Variants in LNX2 observed in about 807,000 individuals in gnomAD.
LNX2 encodes ligand of Numb protein X 2.
A neutral mutation model predicts 66.2 loss-of-function variants in LNX2; 35 were observed. The ratio of observed to expected loss-of-function variants is 0.53; its 90% CI spans 0.40 to 0.70. The LOEUF (loss-of-function observed/expected upper bound fraction) is 0.70. Among genes scored for constraint, LNX2 ranks in the 30% least tolerant of loss-of-function variants. LNX2 has a pLI of 0.00. For missense variants in LNX2, 791 were observed against 850.8 expected, an observed-to-expected ratio of 0.93 and a Z score of 0.87; for synonymous variants, 337 against 315.6, an observed-to-expected ratio of 1.07 and a Z score of -0.72.
chr13:27,606,204 T>C (rs1344623595), intron 1 of LNX2, among the ~76,000 whole-genome samples: 1 of 152,218 alleles, frequency 6.6e-6, no homozygotes, highest in Non-Finnish European at 1.5e-5. Flanking sequence ...TCAAGCTTTT[T>C]AGCAGAATTA....
At chr13:27,551,064 T>A (rs1447564031) in intron 8 of LNX2, among the ~76,000 whole-genome samples, 1 of 152,198 alleles carries the variant, frequency 6.6e-6, no homozygotes, top group Non-Finnish European at 1.5e-5. Flanking sequence ...TAAGGGAGAC[T>A]CTAATTGCCA....
chr13:27,605,281 G>A (rs545750510), intron 1 of LNX2, among the ~76,000 whole-genome samples: 148 of 152,300 alleles, frequency 9.7e-4, no homozygotes, highest in African/African-American at 3.5e-3. Context: ...GATAGATAAT[G>A]CAAGCAACAG....
chr13:27,568,830 T>A (rs1955238669), intron 3 of LNX2, among the ~76,000 whole-genome samples, 199 bp downstream of exon 3: 2 of 152,236 alleles, frequency 1.3e-5, no homozygotes, highest in Admixed American at 1.3e-4. Context: ...GTGATTTGTT[T>A]CTAAAATGCA....
At position 27,586,533 on chromosome 13, in the gene LNX2, G is replaced by C. The variant is rs1418776931; in HGVS notation, c.-100-4730C>G. ...AGCTCTAAGAGTGAGCCTCCCACAG[G>C]GGAGGAGCTCAATAAATGTTGAATG... On this transcript the variant is annotated intron_variant, in intron 1 of 9. Coordinates refer to ENST00000316334, the MANE Select transcript of LNX2 (RefSeq NM_153371.4). Among the ~76,000 whole-genome samples, 3 of 152,132 alleles carry C rather than the reference G, an allele frequency of 2.0e-5. 1 individual carries two copies. The highest frequency in any genetic ancestry group is 4.1e-4 in the South Asian group (2 of 4,822).
chr13:27,561,385 C>A (rs955151429), intron 5 of LNX2, among the ~76,000 whole-genome samples: 3 of 152,102 alleles, frequency 2.0e-5, no homozygotes, highest in Non-Finnish European at 2.9e-5. Context: ...TTCTCCCCTC[C>A]CTCCCACTAA....
intron 8 of LNX2, 146 bp downstream of exon 8, chr13:27,553,057 CCTTTT>C (rs1955022981): frequency 6.1e-6 from 4 of 651,356 alleles, no homozygotes; most frequent in Non-Finnish European, 7.9e-6. Context: ...GAAAAATTAT[CCTTTT>C]CTTTTGTAAT....
In LNX2 at chr13:27,583,216, G is replaced by A. The variant is rs1191001726; in HGVS notation, c.-100-1413C>T. 1.1e-4 allele frequency among the ~76,000 whole-genome samples: 2 copies of A among 17,732 alleles called. 1 individual carries two copies. Among genetic ancestry groups the A allele is most frequent in the Non-Finnish European group, 1.9e-4 (2 of 10,706 alleles). The allele number at this position is 17,732 out of a possible 152,430, so 11.6% of individuals were successfully genotyped here. A position where few individuals can be genotyped will look rare whatever the true frequency, so the allele number is the denominator to read the frequency against. ...TGTGTGTGTGTGTGTGTGTGTGTGT[G>A]TGTGTGTGTGTGTGTGTGTGTGTGT... is the stretch of plus-strand genomic sequence containing the variant. On this transcript the variant is annotated intron_variant, in intron 1 of 9. Coordinates refer to ENST00000316334, the MANE Select transcript of LNX2 (RefSeq NM_153371.4).
chr13:27,616,583 C>T (rs1185072900), intron 1 of LNX2, among the ~76,000 whole-genome samples: 1 of 152,132 alleles, frequency 6.6e-6, no homozygotes, highest in African/African-American at 2.4e-5. Context: ...GTTTACAATA[C>T]ATTAATATTT....
chr13:27,584,359 TG>T (rs1471745694), intron 1 of LNX2, among the ~76,000 whole-genome samples: 2 of 145,480 alleles, frequency 1.4e-5, no homozygotes, highest in African/African-American at 2.6e-5. Context: ...GAGACTAGCC[TG>T]GGCAATATGG....
rs118049806 is a variant in LNX2 at position 27,594,370 on chromosome 13, C to T, written c.-100-12567G>A. Among the ~76,000 whole-genome samples the T allele has an allele frequency of 9.2e-3, 1,397 of 152,142 alleles. 10 individuals are homozygous for T. Among genetic ancestry groups the T allele is most frequent in the East Asian group, 0.039 (201 of 5,172 alleles). On this transcript the variant is annotated intron_variant, in intron 1 of 9. Coordinates refer to ENST00000316334, the MANE Select transcript of LNX2 (RefSeq NM_153371.4). ...CCCTTTATCACATTATTATAATCAC[C>T]TCTCCCAAGCCTCCTGTTTGCCTTT...
In LNX2 at chr13:27,548,015, AC is replaced by A. The variant is rs1240413444; in HGVS notation, c.*319del. 1.1e-5 allele frequency: 3 copies of A among 284,712 alleles called. No homozygotes were observed. The South Asian group carries it at 1.7e-4, about 16-fold the overall frequency. 17.6% of individuals were successfully genotyped at this position (284,712 alleles called of 1,614,324 possible). On this transcript the variant is annotated 3_prime_UTR_variant, in exon 10 of 10. Coordinates refer to ENST00000316334, the MANE Select transcript of LNX2 (RefSeq NM_153371.4). ...ATTCAGTTACTGAAAACAAAGACCC[AC>A]CAGAAGGTCTTTACTCCATCTGGGG...
At chr13:27,563,902 T>C (rs1441522913) in intron 4 of LNX2, among the ~76,000 whole-genome samples, 3 of 152,204 alleles carry the variant, frequency 2.0e-5, no homozygotes, top group Non-Finnish European at 4.4e-5. Flanking sequence ...CTCCCAAGTC[T>C]GCAACATCTA....
intron 2 of LNX2, 47 bp downstream of exon 2, chr13:27,581,250 A>G (rs1023125356): frequency 7.0e-7 from 1 of 1,424,574 alleles, no homozygotes; most frequent in African/African-American, 1.4e-5. Flanking sequence ...CATTTGAACC[A>G]CCTTTTTCCA....
At chr13:27,582,482 T>C (rs1955410942) in intron 1 of LNX2, among the ~76,000 whole-genome samples, 1 of 152,218 alleles carries the variant, frequency 6.6e-6, no homozygotes, top group South Asian at 2.1e-4. Context: ...CAATTAATTG[T>C]GCTAATAGTA....
chr13:27,592,290 T>C (rs1242570898), intron 1 of LNX2, among the ~76,000 whole-genome samples: 1 of 152,182 alleles, frequency 6.6e-6, no homozygotes, highest in African/African-American at 2.4e-5. Flanking sequence ...CAATTTTAGA[T>C]ATATTCTGAA....
intron 1 of LNX2, among the ~76,000 whole-genome samples, chr13:27,609,632 C>A (rs765199671): frequency 6.6e-6 from 1 of 152,162 alleles, no homozygotes; most frequent in Admixed American, 6.5e-5. Context: ...AACTGTGTTA[C>A]AGGTAATCAT....
chr13:27,581,736 C>T lies in LNX2; in HGVS notation c.-33G>A, dbSNP rs1955400721. On this transcript the variant is annotated 5_prime_UTR_variant, in exon 2 of 10. Coordinates refer to ENST00000316334, the MANE Select transcript of LNX2 (RefSeq NM_153371.4). ...CAATTCTGTATCCTCATGTGTTAGA[C>T]TTCCACTTCACGCTTGGTTTCCTTT... 1.3e-6 allele frequency: 2 copies of T among 1,538,872 alleles called. No individual in the cohort carries two copies. The highest frequency in any genetic ancestry group is 1.8e-6 in the Non-Finnish European group (2 of 1,141,006).
chr13:27,608,091 C>G (rs1042313611), intron 1 of LNX2, among the ~76,000 whole-genome samples: 1 of 152,210 alleles, frequency 6.6e-6, no homozygotes, highest in Non-Finnish European at 1.5e-5. Flanking sequence ...CCATGTAGAA[C>G]AGTGCCAGGC....
rs191883016 is a variant in LNX2, at chr13:27,612,866, C to T, written c.-101+7509G>A. On this transcript the variant is annotated intron_variant, in intron 1 of 9. Transcript: ENST00000316334. Reference sequence around the variant, plus strand: ...TGGCCACCCAAAGTGAGCCACCATGCCTGGTCGAATTATTTTTAATATTTT... The same window carrying T: ...TGGCCACCCAAAGTGAGCCACCATGTCTGGTCGAATTATTTTTAATATTTT... 2.8e-4 allele frequency among the ~76,000 whole-genome samples: 42 copies of T among 152,286 alleles called. No individual in the cohort carries two copies. The East Asian group carries it at 7.3e-3, about 27-fold the overall frequency.
Sources: gnomAD v4.1 joint callset for allele counts (sites outside exome capture counted in the v4.1 genomes callset) on GRCh38, gnomAD v4.1.1 for gene constraint, MANE v1.5 for transcripts, NCBI Gene and HGNC (gene_info 2026-07-23, HGNC 2026-07-21) for gene names.